Variants in CNTNAP2 observed in about 807,000 individuals in gnomAD.
The protein encoded by CNTNAP2 is contactin associated protein 2, also known as contactin-associated protein-like 2.
In CNTNAP2, 98 loss-of-function variants were observed where a neutral mutation model predicts 155.2. The observed-to-expected ratio is 0.63, with a 90% CI of 0.54 to 0.75. CNTNAP2 has a LOEUF of 0.75. Among genes scored for constraint, CNTNAP2 ranks in the 30% least tolerant of loss-of-function variants. CNTNAP2 has a pLI of 0.00. For missense variants in CNTNAP2, 1,727 were observed against 1,688.1 expected (o/e 1.02, Z -0.40); for synonymous variants, 651 against 631.2 (o/e 1.03, Z -0.47).
At chr7:146,812,573 G>C (rs1350009684) in intron 2 of CNTNAP2, among the ~76,000 whole-genome samples, 2 of 151,810 alleles carry the variant, frequency 1.3e-5, no homozygotes, top group South Asian at 2.1e-4. Context: ...AAATTTCTAA[G>C]TGGCAAAGCT....
At chr7:146,444,661 C>CTTTTTTTTTT (rs772101193) in intron 1 of CNTNAP2, among the ~76,000 whole-genome samples, 14 of 142,252 alleles carry the variant, frequency 9.8e-5, no homozygotes, top group African/African-American at 3.6e-4. Flanking sequence ...TCCTCTCTCT[C>CTTTTTTTTTT]TTTTTTTTTT....
At chr7:146,325,805 A>C (rs1801088618) in intron 1 of CNTNAP2, among the ~76,000 whole-genome samples, 1 of 152,188 alleles carries the variant, frequency 6.6e-6, no homozygotes, top group Non-Finnish European at 1.5e-5. Context: ...TTGGGTCAAC[A>C]AGACACATCA....
At chr7:146,571,981 A>G (rs1428579423) in intron 1 of CNTNAP2, among the ~76,000 whole-genome samples, 1 of 152,202 alleles carries the variant, frequency 6.6e-6, no homozygotes, top group Non-Finnish European at 1.5e-5. Flanking sequence ...GGCCTCCCGA[A>G]GTGCCGGGAT....
intron 13 of CNTNAP2, among the ~76,000 whole-genome samples, chr7:147,770,313 C>T (rs1302065373): frequency 6.6e-6 from 1 of 152,082 alleles, no homozygotes; most frequent in Non-Finnish European, 1.5e-5. Flanking sequence ...AGTTCTATTT[C>T]AAAGTTGCAA....
intron 18 of CNTNAP2, among the ~76,000 whole-genome samples, chr7:148,186,205 C>T (rs1795112043): frequency 6.6e-6 from 1 of 152,200 alleles, no homozygotes; most frequent in Admixed American, 6.5e-5. Context: ...TCATATTCAA[C>T]TGATATTTTA....
chr7:147,627,624 G>A (rs1018411920), intron 12 of CNTNAP2, among the ~76,000 whole-genome samples: 8 of 149,716 alleles, frequency 5.3e-5, no homozygotes, highest in South Asian at 2.1e-4. Flanking sequence ...CCTGGGAGGC[G>A]GAGGTTGCAG....
rs979537040 is a variant in CNTNAP2 at position 147,305,719 on chromosome 7, G to A, written c.1498+5429G>A. ...TCCTAAACAAACTTTTTGAAGGTAC[G>A]TATTGATTTTCTAGGGATGCCGTAT... is the stretch of plus-strand genomic sequence containing the variant. On this transcript the variant is annotated intron_variant, in intron 9 of 23. Transcript: ENST00000361727. Among the ~76,000 whole-genome samples the A allele has an allele frequency of 3.3e-5, 5 of 152,152 alleles. No homozygotes were observed. The South Asian group carries it at 6.2e-4, about 19-fold the overall frequency.
At chr7:147,801,391 T>C (rs1219818249) in intron 13 of CNTNAP2, among the ~76,000 whole-genome samples, 3 of 150,458 alleles carry the variant, frequency 2.0e-5, no homozygotes, top group South Asian at 4.2e-4. Flanking sequence ...GGCAGGGTCA[T>C]AGGACAATAG....
chr7:146,194,466 T>C (rs1798748992), intron 1 of CNTNAP2, among the ~76,000 whole-genome samples: 2 of 152,132 alleles, frequency 1.3e-5, no homozygotes, highest in African/African-American at 2.4e-5. Context: ...ACCTAGTCAC[T>C]ATCATGAAAA....
intron 3 of CNTNAP2, among the ~76,000 whole-genome samples, chr7:146,945,984 A>G (rs1305684924): frequency 6.6e-6 from 1 of 152,058 alleles, no homozygotes; most frequent in East Asian, 1.9e-4. Context: ...AATTTAGAAG[A>G]GGGAAAGGTG....
chr7:148,106,615 C>A (rs966661336), intron 15 of CNTNAP2, among the ~76,000 whole-genome samples: 12 of 151,524 alleles, frequency 7.9e-5, no homozygotes, highest in African/African-American at 2.9e-4. Flanking sequence ...CCGGCTTCAG[C>A]CTCCCAAAGT....
intron 1 of CNTNAP2, among the ~76,000 whole-genome samples, chr7:146,552,663 A>T (rs2129142982): frequency 6.6e-6 from 1 of 152,166 alleles, no homozygotes; most frequent in African/African-American, 2.4e-5. Context: ...AGTTAAAATC[A>T]AATGCACTTA....
At chr7:147,428,099 T>C (rs1797409207) in intron 10 of CNTNAP2, among the ~76,000 whole-genome samples, 1 of 152,082 alleles carries the variant, frequency 6.6e-6, no homozygotes, top group African/African-American at 2.4e-5. Context: ...TTAAAAGAAA[T>C]ACTAATCAGT....
intron 13 of CNTNAP2, among the ~76,000 whole-genome samples, chr7:147,665,977 C>T (rs1213672540): frequency 6.6e-6 from 1 of 152,186 alleles, no homozygotes; most frequent in Admixed American, 6.5e-5. Flanking sequence ...GTATGCTTCT[C>T]AGCACTTAAT....
chr7:147,779,490 A>G (rs1465932834), intron 13 of CNTNAP2, among the ~76,000 whole-genome samples: 1 of 152,222 alleles, frequency 6.6e-6, no homozygotes, highest in Non-Finnish European at 1.5e-5. Context: ...AAGGGCTGAA[A>G]CAAATAATTA....
chr7:147,788,236 TG>T (rs1797766721), intron 13 of CNTNAP2, among the ~76,000 whole-genome samples: 1 of 152,234 alleles, frequency 6.6e-6, no homozygotes, highest in Non-Finnish European at 1.5e-5. Flanking sequence ...GCTCTCAAGT[TG>T]TCAATTTGAT....
chr7:148,294,531 G>C (rs1328823180), intron 21 of CNTNAP2, among the ~76,000 whole-genome samples: 1 of 152,068 alleles, frequency 6.6e-6, no homozygotes, highest in Non-Finnish European at 1.5e-5. Flanking sequence ...AAGGAGCAAC[G>C]CTTTGTGTTA....
chr7:148,351,744 C>CAAAAAAAAAAAAAAAAAAAAAAAAAAAA (rs71188974), intron 21 of CNTNAP2, among the ~76,000 whole-genome samples: 12 of 85,396 alleles, frequency 1.4e-4, no homozygotes, highest in African/African-American at 2.0e-4. Flanking sequence ...CTCTGTCTCA[C>CAAAAAAAAAAAAAAAAAAAAAAAAAAAA]AAAAAAAAAA....
chr7:148,158,170 T>G (rs1370620233), intron 17 of CNTNAP2, among the ~76,000 whole-genome samples: 1 of 150,686 alleles, frequency 6.6e-6, no homozygotes, highest in East Asian at 2.0e-4. Context: ...CAGCTACCTT[T>G]CAGTCAGAGC....
Sources: gnomAD v4.1 joint callset for allele counts (sites outside exome capture counted in the v4.1 genomes callset) on GRCh38, gnomAD v4.1.1 for gene constraint, MANE v1.5 for transcripts, NCBI Gene and HGNC (gene_info 2026-07-23, HGNC 2026-07-21) for gene names.